EEF1AKMT1: variants seen among roughly 807,000 people sequenced by gnomAD.
The protein encoded by EEF1AKMT1 is EEF1A lysine methyltransferase 1.
EEF1AKMT1 carries 18 observed loss-of-function variants against 21.0 expected under a neutral mutation model. The observed-to-expected ratio is 0.86, with a 90% CI of 0.59 to 1.27. EEF1AKMT1 has a LOEUF of 1.27. Among genes scored for constraint, EEF1AKMT1 ranks in the 50% most tolerant of loss-of-function variants. EEF1AKMT1 has a pLI of 0.00. For synonymous variants in EEF1AKMT1, 109 were observed against 94.8 expected (o/e 1.15, Z -0.87); for missense variants, 246 against 258.6 (o/e 0.95, Z 0.33).
At chr13:20,757,415 C>T (rs375301691) in intron 2 of EEF1AKMT1, 40 bp downstream of exon 2, 48 of 1,610,018 alleles carry the variant, frequency 3.0e-5, no homozygotes, top group Non-Finnish European at 3.8e-5. Flanking sequence ...GTAGGTTCCA[C>T]ATCAATACTT....
chr13:20,763,461 T>TG (rs2059011745), intron 1 of EEF1AKMT1, among the ~76,000 whole-genome samples: 1 of 152,112 alleles, frequency 6.6e-6, no homozygotes, highest in Non-Finnish European at 1.5e-5. Context: ...ATTTTTGTTT[T>TG]TTTTTTTTGA....
At chr13:20,745,694 C>T (rs1440413453) in intron 2 of EEF1AKMT1, among the ~76,000 whole-genome samples, 1 of 151,810 alleles carries the variant, frequency 6.6e-6, no homozygotes, top group African/African-American at 2.4e-5. Context: ...TCTAAAAATA[C>T]AAAAATTAGC....
At chr13:20,731,274 G>C (rs1007509484) in intron 4 of EEF1AKMT1, among the ~76,000 whole-genome samples, 23 of 152,306 alleles carry the variant, frequency 1.5e-4, no homozygotes, top group African/African-American at 5.5e-4. Context: ...GAAGTTCTCA[G>C]ATTTACTCTA....
intron 2 of EEF1AKMT1, among the ~76,000 whole-genome samples, chr13:20,739,036 C>G (rs2314718): frequency 6.6e-6 from 1 of 152,086 alleles, no homozygotes; most frequent in Non-Finnish European, 1.5e-5. Flanking sequence ...GATGTTCAGA[C>G]GTATTCAAAG....
chr13:20,770,022 AAACT>A (rs1307808488), intron 1 of EEF1AKMT1, among the ~76,000 whole-genome samples: 7 of 152,372 alleles, frequency 4.6e-5, no homozygotes, highest in African/African-American at 1.7e-4. Context: ...ATGAAATGAA[AAACT>A]AACTAGAGGA....
chr13:20,735,519 A>G (rs2058821835), intron 3 of EEF1AKMT1, among the ~76,000 whole-genome samples: 2 of 152,308 alleles, frequency 1.3e-5, no homozygotes, highest in East Asian at 1.9e-4. Flanking sequence ...CACTAGATGT[A>G]TAACTTCCAG....
intron 2 of EEF1AKMT1, among the ~76,000 whole-genome samples, chr13:20,739,325 A>G (rs778964066): frequency 1.3e-5 from 2 of 152,226 alleles, no homozygotes; most frequent in Non-Finnish European, 2.9e-5. Context: ...AACCTTCCAC[A>G]GCATGGAAGG....
At chr13:20,760,561 A>T (rs2058996297) in intron 1 of EEF1AKMT1, among the ~76,000 whole-genome samples, 1 of 152,134 alleles carries the variant, frequency 6.6e-6, no homozygotes, top group African/African-American at 2.4e-5. Context: ...AGAGTGGGGG[A>T]AGGATTGAAA....
At chr13:20,737,256 T>A (rs1229251675) in intron 3 of EEF1AKMT1, among the ~76,000 whole-genome samples, 1 of 151,934 alleles carries the variant, frequency 6.6e-6, no homozygotes, top group African/African-American at 2.4e-5. Flanking sequence ...CCCAGCTGCC[T>A]GGGAGGCTGA....
At chr13:20,767,876 TC>T (rs1391381363) in intron 1 of EEF1AKMT1, among the ~76,000 whole-genome samples, 1 of 152,228 alleles carries the variant, frequency 6.6e-6, no homozygotes, top group African/African-American at 2.4e-5. Context: ...TTTCTAGTGT[TC>T]AAGTTTACTA....
chr13:20,751,658 C>A (rs535696725), intron 2 of EEF1AKMT1, among the ~76,000 whole-genome samples: 1 of 115,020 alleles, frequency 8.7e-6, no homozygotes, highest in Non-Finnish European at 1.9e-5. Context: ...TTGGGTTCCA[C>A]AGGAATTTCA....
chr13:20,740,178 GTCCC>G (rs2058861363), intron 2 of EEF1AKMT1, among the ~76,000 whole-genome samples: 4 of 152,250 alleles, frequency 2.6e-5, no homozygotes, highest in Admixed American at 2.0e-4. Flanking sequence ...TAGGTGCTAA[GTCCC>G]TCACTGCCTG....
intron 1 of EEF1AKMT1, among the ~76,000 whole-genome samples, chr13:20,763,838 T>A (rs1415619519): frequency 6.6e-6 from 1 of 152,188 alleles, no homozygotes; most frequent in African/African-American, 2.4e-5. Context: ...TCATATGGGG[T>A]GAGTTCTCGT....
At chr13:20,766,419 C>T (rs2059033224) in intron 1 of EEF1AKMT1, among the ~76,000 whole-genome samples, 1 of 151,810 alleles carries the variant, frequency 6.6e-6, no homozygotes, top group Admixed American at 6.6e-5. Context: ...TATATTCCTA[C>T]AGTATAAATA....
At chr13:20,773,653 C>T (rs563945988) in intron 1 of EEF1AKMT1, among the ~76,000 whole-genome samples, 13 of 152,358 alleles carry the variant, frequency 8.5e-5, no homozygotes, top group African/African-American at 3.1e-4. Context: ...AAGGCCCGGG[C>T]GCCAACGTGC....
chr13:20,729,337 TG>T (rs2058778304), intron 4 of EEF1AKMT1, 121 bp from the exon 5 acceptor site: 5 of 1,131,400 alleles, frequency 4.4e-6, no homozygotes, highest in Non-Finnish European at 6.4e-6. Context: ...AATTCACAAG[TG>T]GGGGGAGGGA....
chr13:20,752,309 G>A (rs1034631948), intron 2 of EEF1AKMT1, among the ~76,000 whole-genome samples: 1 of 152,118 alleles, frequency 6.6e-6, no homozygotes, highest in African/African-American at 2.4e-5. Flanking sequence ...TTATTATGAT[G>A]AGGTATGTTC....
rs184722574 is a variant in EEF1AKMT1 at position 20,733,999 on chromosome 13, C to T, written c.228-1878G>A. Among the ~76,000 whole-genome samples, 189 of 152,236 alleles carry T rather than the reference C, an allele frequency of 1.2e-3. 2 individuals carry two copies. Among genetic ancestry groups the T allele is most frequent in the African/African-American group, 4.4e-3 (183 of 41,554 alleles). ...ACATCGCATAATGTTTCTTTGGAAACATGTGTTTCCCTGCTGGCAGGACAC... is the reference window on the plus strand; with the variant it reads ...ACATCGCATAATGTTTCTTTGGAAATATGTGTTTCCCTGCTGGCAGGACAC... On this transcript the variant is annotated intron_variant, in intron 3 of 4. Coordinates refer to ENST00000382758, the MANE Select transcript of EEF1AKMT1 (RefSeq NM_001318939.2).
At chr13:20,742,592 T>A (rs939334014) in intron 2 of EEF1AKMT1, among the ~76,000 whole-genome samples, 7 of 152,056 alleles carry the variant, frequency 4.6e-5, no homozygotes. Context: ...GTAACATGAG[T>A]GCCTGCTGAT....
Sources: gnomAD v4.1 joint callset for allele counts (sites outside exome capture counted in the v4.1 genomes callset) on GRCh38, gnomAD v4.1.1 for gene constraint, MANE v1.5 for transcripts, NCBI Gene and HGNC (gene_info 2026-07-23, HGNC 2026-07-21) for gene names.